Variants in HAL observed in about 807,000 individuals in gnomAD.
HAL encodes histidase.
Under a neutral mutation model 81.1 loss-of-function variants are expected in HAL, and 85 were observed. The ratio of observed to expected loss-of-function variants is 1.05; its 90% confidence interval spans 0.88 to 1.25. The LOEUF is 1.25. HAL is among the 50% of genes most tolerant of loss of function. The probability of loss-of-function intolerance (pLI) is 0.00; values close to 1 mark genes in which losing one functional copy is unlikely to be tolerated. For synonymous variants in HAL, 301 were observed against 309.2 expected (o/e 0.97, Z 0.28); for missense variants, 798 against 836.6 (o/e 0.95, Z 0.57).
rs377659668 is a variant in HAL, at chr12:95,995,852, G to A, written c.59C>T (p.Ala20Val). The A allele has an allele frequency of 7.3e-5, 117 of 1,609,828 alleles. No homozygotes were observed. The highest frequency in any genetic ancestry group is 9.8e-5 in the Non-Finnish European group (116 of 1,179,888). The change falls in exon 2 of 21, where the codon GCG becomes GTG. Residue 20 changes from alanine to valine, a missense_variant. Transcript: ENST00000261208. ...GEWLAVPCQD[A>V]QLTVGWLGRE... ...GCCCAGCCAGCCCACAGTGAGCTGC[G>A]CGTCCTGGCAGGGCACTGCCAGCCA...
In HAL at chr12:95,994,179, G is replaced by C; in HGVS notation, c.337-15C>G. 6.3e-7 allele frequency: 1 copy of C among 1,588,072 alleles called. No homozygotes were observed. The highest frequency in any genetic ancestry group is 8.6e-7 in the Non-Finnish European group (1 of 1,156,240). On this transcript the variant is annotated splice_polypyrimidine_tract_variant and intron_variant, in intron 4 of 20. Coordinates refer to ENST00000261208, the MANE Select transcript of HAL (RefSeq NM_002108.4). ...AACTCGATGTACTACACAAAAGAAG[G>C]GGATCTCAGTGAGTCTGAACAGCTT...
intron 17 of HAL, among the ~76,000 whole-genome samples, chr12:95,979,387 A>T (rs114682900): frequency 1.4e-3 from 216 of 152,314 alleles, no homozygotes; most frequent in African/African-American, 5.0e-3. Context: ...TTTAGTGCTT[A>T]TGATGTGCCA....
At position 95,994,980 on chromosome 12, in the gene HAL, ATCAC is replaced by A. The variant is rs1317113985; in HGVS notation, c.257_260del (p.Gly86ValfsTer30). 6.2e-7 allele frequency: 1 copy of A among 1,610,370 alleles called. No individual in the cohort carries two copies. The highest frequency in any genetic ancestry group is 8.5e-7 in the Non-Finnish European group (1 of 1,176,628). On this transcript the variant is annotated frameshift_variant, in exon 3 of 21. Transcript: ENST00000261208. LOFTEE classifies it high-confidence loss of function. ...ATGGAATGAAGTCAGGAGACATGGC[ATCAC>A]CCTCTATAACTAAAACAATGCACGG...
At chr12:95,986,301 G>C (rs1949887846) in intron 12 of HAL, 141 bp from the exon 13 acceptor site, 1 of 681,430 alleles carries the variant, frequency 1.5e-6, no homozygotes. Flanking sequence ...CCAAAGTGCT[G>C]GGATTACAGG....
chr12:95,993,522 A>G (rs1184957676), intron 7 of HAL, 34 bp from the exon 8 acceptor site: 1 of 1,404,082 alleles, frequency 7.1e-7, no homozygotes, highest in East Asian at 2.3e-5. Context: ...TCTTAGATAC[A>G]TTGCAGTGAG....
At chr12:95,987,284 A>G (rs1949903255) in intron 11 of HAL, 70 bp from the exon 12 acceptor site, 1 of 1,340,554 alleles carries the variant, frequency 7.5e-7, no homozygotes, top group Non-Finnish European at 1.1e-6. Flanking sequence ...TGGATTTTGT[A>G]TCTTTTGCTT....
chr12:95,995,734 C>A lies in HAL; in HGVS notation c.177G>T (p.Lys59Asn). 1 of 1,613,854 alleles carries A rather than the reference C, an allele frequency of 6.2e-7. No individual in the cohort carries two copies. The highest frequency in any genetic ancestry group is 8.5e-7 in the Non-Finnish European group (1 of 1,180,042). Residue 59 changes from lysine to asparagine, a missense_variant, in exon 2 of 21, where the codon AAG becomes AAT. By Grantham distance (94) the Lys-to-Asn change is moderately conservative (BLOSUM62 0). Transcript: ENST00000261208. ...CCTCGTTGTCCAGCAGGCCCAGGCCCTTGCACCGGCGCACAAGGAAGTGCG... is the reference window on the plus strand; with the variant it reads ...CCTCGTTGTCCAGCAGGCCCAGGCCATTGCACCGGCGCACAAGGAAGTGCG... The part of the protein sequence containing the change: ...DDAHFLVRRC[K>N]GLGLLDNEDR...
intron 17 of HAL, among the ~76,000 whole-genome samples, chr12:95,979,135 A>T (rs1235498310): frequency 1.3e-5 from 2 of 152,270 alleles, no homozygotes; most frequent in East Asian, 3.8e-4. Flanking sequence ...CAACCTCAAT[A>T]GGCAGCTTGG....
At chr12:95,995,213 G>A (rs1428722370) in intron 2 of HAL, 5 of 609,192 alleles carry the variant, frequency 8.2e-6, no homozygotes, top group African/African-American at 1.8e-5. Flanking sequence ...TTAGATGAAA[G>A]TTCAAGACAG....
Position 95,995,744 on chromosome 12 carries a change from C to A in HAL, c.167G>T (p.Arg56Leu), listed in dbSNP as rs1368054373. Residue 56 changes from arginine to leucine, a missense_variant, in exon 2 of 21, where the codon CGC becomes CTC. Physicochemically the swap from Arg to Leu is moderately radical, Grantham distance 102 (BLOSUM62 -2). Coordinates refer to ENST00000261208, the MANE Select transcript of HAL (RefSeq NM_002108.4). ...CAGCAGGCCCAGGCCCTTGCACCGGCGCACAAGGAAGTGCGCGTCATCCAC... is the reference window on the plus strand; with the variant it reads ...CAGCAGGCCCAGGCCCTTGCACCGGAGCACAAGGAAGTGCGCGTCATCCAC... ...TSVDDAHFLV[R>L]RCKGLGLLDN... is the part of the protein sequence containing the mutation. The A allele has an allele frequency of 6.2e-7, 1 of 1,613,766 alleles. No homozygotes were observed. The highest frequency in any genetic ancestry group is 1.1e-5 in the South Asian group (1 of 91,092).
At position 95,984,721 on chromosome 12, in the gene HAL, A is replaced by G. The variant is rs546107236; in HGVS notation, c.1207-730T>C. ...GATTAAATGAATTAATAAATGAAAG[A>G]CAGTGATAATGGTGCCTGTCACATA... On this transcript the variant is annotated intron_variant, in intron 14 of 20. Coordinates refer to ENST00000261208, the MANE Select transcript of HAL (RefSeq NM_002108.4). Among the ~76,000 whole-genome samples the G allele has an allele frequency of 3.0e-3, 453 of 152,360 alleles. 3 individuals carry two copies. The highest frequency in any genetic ancestry group is 6.8e-3 in the Middle Eastern group (2 of 294).
chr12:95,995,280 T>C, intron 2 of HAL: 1 of 572,274 alleles, frequency 1.7e-6, no homozygotes, highest in Non-Finnish European at 3.1e-6. Context: ...GAACTGATGC[T>C]ATGCTGCCGG....
Position 95,995,689 on chromosome 12 carries a change from T to C in HAL, c.222A>G (p.Leu74=). 1 of 1,613,592 alleles carries C rather than the reference T, an allele frequency of 6.2e-7. No individual in the cohort carries two copies. The highest frequency in any genetic ancestry group is 8.5e-7 in the Non-Finnish European group (1 of 1,180,024). ...CCACTTCCACGAACTCGTTGTTCTC[T>C]AGGGCCACCTCGAGCCGGTCCTCGT... The part of the protein sequence containing the change: ...LDNEDRLEVA[L]ENNEFVEVVI... The change falls in exon 2 of 21, where the codon CTA becomes CTG. Residue 74 remains leucine (L), a synonymous_variant. Transcript: ENST00000261208.
intron 14 of HAL, among the ~76,000 whole-genome samples, chr12:95,984,648 C>A (rs1949855210): frequency 6.6e-6 from 1 of 152,198 alleles, no homozygotes; most frequent in Non-Finnish European, 1.5e-5. Flanking sequence ...TTCTGTGCCT[C>A]AGTTTCCCCA....
Position 95,992,661 on chromosome 12 carries a change from T to C in HAL, c.715+19A>G. 1 of 1,606,680 alleles carries C rather than the reference T, an allele frequency of 6.2e-7. No individual in the cohort carries two copies. Among genetic ancestry groups the C allele is most frequent in the Admixed American group, 1.7e-5 (1 of 59,918 alleles). On this transcript the variant is annotated intron_variant, in intron 9 of 20. Coordinates refer to ENST00000261208, the MANE Select transcript of HAL (RefSeq NM_002108.4). ...GTCCAGCCTCCACAGAGGTTCCGTC[T>C]AGGGAGCCATTGCATTACCATTAAA...
At chr12:95,995,149 T>A (rs1306851935) in intron 2 of HAL, 156 bp from the exon 3 acceptor site, 6 of 696,158 alleles carry the variant, frequency 8.6e-6, no homozygotes, top group Non-Finnish European at 1.6e-5. Context: ...AGCATCTTTA[T>A]GTAGGAGGAG....
At position 95,978,048 on chromosome 12, in the gene HAL, G is replaced by T. The variant is rs754819630; in HGVS notation, c.1550C>A (p.Ser517Ter). The T allele has an allele frequency of 6.2e-7, 1 of 1,613,578 alleles. No individual in the cohort carries two copies. The highest frequency in any genetic ancestry group is 1.6e-4 in the Middle Eastern group (1 of 6,062). ...VSENKALCHP[S>*]SVDSLSTSAA... ...GCTGGTGGAGAGGGAGTCAACAGAC[G>T]AGGGATGGCACAGAGCCTTGTTCTC... Residue 517 changes from serine to a stop codon, truncating the protein, a stop_gained, in exon 18 of 21, where the codon TCG (serine) becomes TAG (stop). Coordinates refer to ENST00000261208, the MANE Select transcript of HAL (RefSeq NM_002108.4). LOFTEE classifies it high-confidence loss of function.
intron 9 of HAL, among the ~76,000 whole-genome samples, chr12:95,991,395 A>C (rs2136823391): frequency 6.6e-6 from 1 of 152,366 alleles, no homozygotes; most frequent in East Asian, 1.9e-4. Flanking sequence ...ACATTGGAAA[A>C]GTAATATAAA....
intron 11 of HAL, 24 bp from the exon 12 acceptor site, chr12:95,987,238 T>C (rs1441363564): frequency 3.1e-6 from 5 of 1,607,296 alleles, no homozygotes; most frequent in Non-Finnish European, 3.4e-6. Flanking sequence ...GAGCAAAGTT[T>C]CCTACTGTGA....
Sources: gnomAD v4.1 joint callset for allele counts (sites outside exome capture counted in the v4.1 genomes callset) on GRCh38, gnomAD v4.1.1 for gene constraint, MANE v1.5 for transcripts, NCBI Gene and HGNC (gene_info 2026-07-23, HGNC 2026-07-21) for gene names.